STMN2: variants seen among roughly 807,000 people sequenced by gnomAD.
STMN2 encodes stathmin 2.
STMN2 carries 2 observed loss-of-function variants against 24.1 expected under a neutral mutation model. The observed-to-expected ratio is 0.08, with a 90% CI of 0.03 to 0.26. The LOEUF (loss-of-function observed/expected upper bound fraction) is 0.26. Among genes scored for constraint, STMN2 ranks in the 10% least tolerant of loss-of-function variants. STMN2 has a pLI of 1.00. For synonymous variants in STMN2, 83 were observed against 77.5 expected (o/e 1.07, Z -0.37); for missense variants, 114 against 213.6 (o/e 0.53, Z 2.91).
rs1810247028 is a variant in STMN2 at position 79,647,679 on chromosome 8, T to C, written c.288+6129T>C. On this transcript the variant is annotated intron_variant, in intron 3 of 4. Coordinates refer to ENST00000220876, the MANE Select transcript of STMN2 (RefSeq NM_007029.4). ...GAACCAGAATTAGTGCTCCAGTGAT[T>C]AGATAATAGAAGAAGCTTGTCATAA... Among the ~76,000 whole-genome samples the C allele has an allele frequency of 3.3e-5, 5 of 152,226 alleles. No homozygotes were observed. The South Asian group carries it at 1.0e-3, about 32-fold the overall frequency.
chr8:79,643,732 T>C (rs1810160204), intron 3 of STMN2, among the ~76,000 whole-genome samples: 1 of 152,106 alleles, frequency 6.6e-6, no homozygotes, highest in African/African-American at 2.4e-5. Flanking sequence ...CAAGAAATTA[T>C]CAATGATTAT....
At chr8:79,645,679 T>TTAGGATGTACCGTAAGTAA (rs1810202152) in intron 3 of STMN2, among the ~76,000 whole-genome samples, 2 of 151,992 alleles carry the variant, frequency 1.3e-5, no homozygotes, top group South Asian at 4.1e-4. Context: ...AGTGTGAAGT[T>TTAGGATGTACCGTAAGTAA]TAGGATGTAC....
At chr8:79,645,131 G>A (rs1810191741) in intron 3 of STMN2, among the ~76,000 whole-genome samples, 1 of 150,242 alleles carries the variant, frequency 6.7e-6, no homozygotes, top group Non-Finnish European at 1.5e-5. Flanking sequence ...CTCCAGCCTG[G>A]ATGACAGAGC....
chr8:79,635,393 T>C (rs1033090417), intron 1 of STMN2, among the ~76,000 whole-genome samples: 1 of 152,142 alleles, frequency 6.6e-6, no homozygotes, highest in Non-Finnish European at 1.5e-5. Flanking sequence ...GACCTTGCAA[T>C]CCCATTACTT....
At chr8:79,653,119 T>C (rs1810370464) in intron 3 of STMN2, among the ~76,000 whole-genome samples, 2 of 152,122 alleles carry the variant, frequency 1.3e-5, no homozygotes, top group Non-Finnish European at 2.9e-5. Context: ...GGCTCACACC[T>C]ATAATCCCAG....
intron 3 of STMN2, among the ~76,000 whole-genome samples, chr8:79,649,301 G>A (rs940603582): frequency 7.2e-5 from 11 of 151,936 alleles, no homozygotes; most frequent in South Asian, 2.1e-4. Context: ...CTACCTTCTC[G>A]GTGAAGAAGA....
intron 1 of STMN2, among the ~76,000 whole-genome samples, chr8:79,626,021 TAATA>T (rs57863712): frequency 0.31 from 47,099 of 151,856 alleles, 7,893 homozygotes; most frequent in African/African-American, 0.45. Flanking sequence ...TAATGCTTAT[TAATA>T]AGCAATGTCT....
chr8:79,663,226 A>T (rs762492153), intron 4 of STMN2, among the ~76,000 whole-genome samples: 1 of 152,148 alleles, frequency 6.6e-6, no homozygotes, highest in East Asian at 1.9e-4. Flanking sequence ...TTTCCATGCA[A>T]CTATAAAATG....
At chr8:79,616,622 G>A (rs1447678384) in intron 1 of STMN2, among the ~76,000 whole-genome samples, 1 of 152,066 alleles carries the variant, frequency 6.6e-6, no homozygotes, top group Non-Finnish European at 1.5e-5. Flanking sequence ...TCAGTTTTAG[G>A]GATATTAACT....
intron 3 of STMN2, among the ~76,000 whole-genome samples, chr8:79,645,699 T>C (rs1810202815): frequency 6.6e-6 from 1 of 152,194 alleles, no homozygotes; most frequent in Non-Finnish European, 1.5e-5. Context: ...CTGTAAGTAA[T>C]AGGATCTTCT....
At chr8:79,618,360 C>T (rs1303255237) in intron 1 of STMN2, among the ~76,000 whole-genome samples, 1 of 152,188 alleles carries the variant, frequency 6.6e-6, no homozygotes, top group Non-Finnish European at 1.5e-5. Context: ...TGGGAACACA[C>T]TCTGATGACC....
intron 4 of STMN2, chr8:79,663,466 C>A (rs1277800809): frequency 9.4e-6 from 5 of 532,630 alleles, no homozygotes; most frequent in Non-Finnish European, 6.3e-6. Context: ...TGTACTGATG[C>A]AGGTCTGGTA....
Position 79,664,913 on chromosome 8 carries a change from C to G in STMN2, c.*39C>G. The G allele has an allele frequency of 6.3e-7, 1 of 1,596,754 alleles. No individual in the cohort carries two copies. Among genetic ancestry groups the G allele is most frequent in the African/African-American group, 1.3e-5 (1 of 74,426 alleles). On this transcript the variant is annotated 3_prime_UTR_variant, in exon 5 of 5. Coordinates refer to ENST00000220876, the MANE Select transcript of STMN2 (RefSeq NM_007029.4). ...CTGGCACGCCCCACCAATAGTAAAT[C>G]CCCCTGCCTATATTATAATGGATCA... is the stretch of plus-strand genomic sequence containing the variant.
chr8:79,627,640 C>A (rs1247484638), intron 1 of STMN2, among the ~76,000 whole-genome samples: 1 of 152,216 alleles, frequency 6.6e-6, no homozygotes, highest in Non-Finnish European at 1.5e-5. Flanking sequence ...AAATTCAAGA[C>A]ATTAATTTCT....
intron 4 of STMN2, among the ~76,000 whole-genome samples, chr8:79,664,432 G>A (rs139424928): frequency 2.3e-3 from 345 of 152,298 alleles, no homozygotes; most frequent in Non-Finnish European, 3.7e-3. Context: ...CCCTCCCAGA[G>A]TGTCCATCAG....
intron 1 of STMN2, among the ~76,000 whole-genome samples, chr8:79,620,569 T>C (rs1373809924): frequency 6.6e-6 from 1 of 152,136 alleles, no homozygotes; most frequent in Non-Finnish European, 1.5e-5. Context: ...GAAAGTTCAA[T>C]AGTAATAATG....
chr8:79,660,567 T>A (rs776766923), intron 4 of STMN2, among the ~76,000 whole-genome samples: 2 of 152,190 alleles, frequency 1.3e-5, no homozygotes, highest in Non-Finnish European at 2.9e-5. Context: ...GCACATAATA[T>A]GATGCAACTT....
intron 4 of STMN2, among the ~76,000 whole-genome samples, chr8:79,657,218 T>A (rs1253919908): frequency 6.6e-6 from 1 of 152,204 alleles, no homozygotes; most frequent in Non-Finnish European, 1.5e-5. Flanking sequence ...GTTCAAAAAT[T>A]TTCCATATTT....
intron 1 of STMN2, among the ~76,000 whole-genome samples, chr8:79,620,713 C>T (rs958918068): frequency 3.3e-5 from 5 of 152,070 alleles, no homozygotes; most frequent in African/African-American, 1.2e-4. Context: ...GTACCAAGAT[C>T]CACCAAAAGG....
Sources: gnomAD v4.1 joint callset for allele counts (sites outside exome capture counted in the v4.1 genomes callset) on GRCh38, gnomAD v4.1.1 for gene constraint, MANE v1.5 for transcripts, NCBI Gene and HGNC (gene_info 2026-07-23, HGNC 2026-07-21) for gene names.